TMEM272: variants seen among roughly 807,000 people sequenced by gnomAD.
TMEM272 encodes transmembrane protein 272.
TMEM272 carries 8 observed loss-of-function variants against 3.7 expected under a neutral mutation model. The observed-to-expected ratio is 2.17, with a 90% CI of 1.27 to 3.91. The LOEUF (loss-of-function observed/expected upper bound fraction) is 3.91, where lower values mean the gene tolerates loss of function less well. TMEM272 is among the 30% of genes most tolerant of loss of function. The probability of loss-of-function intolerance (pLI) is 0.00; values close to 1 mark genes in which losing one functional copy is unlikely to be tolerated. For synonymous variants in TMEM272, 63 were observed against 39.8 expected, an observed-to-expected ratio of 1.58 and a Z score of -2.20; for missense variants, 166 against 91.5, an observed-to-expected ratio of 1.81 and a Z score of -3.32.
At chr13:51,836,484 A>G (rs1189850988) in intron 2 of TMEM272, among the ~76,000 whole-genome samples, 1 of 152,156 alleles carries the variant, frequency 6.6e-6, no homozygotes, top group African/African-American at 2.4e-5. Context: ...GCTGTTTTTT[A>G]GTAGAACATT....
chr13:51,866,264 C>T, the TMEM272 span: 2 of 578,668 alleles, frequency 3.5e-6, no homozygotes, highest in Admixed American at 3.3e-5. Flanking sequence ...GCATTTTTTC[C>T]AGGTTTTGTG....
intron 1 of TMEM272, among the ~76,000 whole-genome samples, chr13:51,842,423 G>A (rs1418336164): frequency 3.3e-5 from 5 of 152,182 alleles, no homozygotes; most frequent in African/African-American, 1.2e-4. Context: ...AGATAGATAA[G>A]CAGAAAAGGA....
the TMEM272 span, among the ~76,000 whole-genome samples, chr13:51,919,532 AT>A: frequency 2.6e-5 from 4 of 151,756 alleles, no homozygotes; most frequent in Non-Finnish European, 5.9e-5. Context: ...ACATAAAATT[AT>A]TTTTTTTAAT....
the TMEM272 span, among the ~76,000 whole-genome samples, chr13:51,919,923 A>C: frequency 6.6e-6 from 1 of 151,704 alleles, no homozygotes; most frequent in Non-Finnish European, 1.5e-5. Context: ...CTCATAGTGG[A>C]TTAATATGAA....
the TMEM272 span, among the ~76,000 whole-genome samples, chr13:51,883,569 T>G: frequency 6.6e-6 from 1 of 152,094 alleles, no homozygotes; most frequent in Non-Finnish European, 1.5e-5. Flanking sequence ...GGGTGAGCTT[T>G]GGAAAAAGCA....
the TMEM272 span, among the ~76,000 whole-genome samples, chr13:51,857,917 GA>G: frequency 6.6e-6 from 1 of 151,976 alleles, no homozygotes; most frequent in Admixed American, 6.6e-5. Context: ...TAAAAGGATA[GA>G]AAAGATACAC....
chr13:51,894,415 C>T, the TMEM272 span, among the ~76,000 whole-genome samples: 2 of 152,198 alleles, frequency 1.3e-5, no homozygotes, highest in Non-Finnish European at 2.9e-5. Flanking sequence ...TAGAAGAGCC[C>T]TACATGTGGA....
the TMEM272 span, among the ~76,000 whole-genome samples, chr13:51,887,373 C>A: frequency 1.3e-5 from 2 of 152,064 alleles, no homozygotes; most frequent in African/African-American, 4.8e-5. Context: ...AAGAATGGGG[C>A]CCCAAGATGG....
At chr13:51,891,440 G>A in the TMEM272 span, among the ~76,000 whole-genome samples, 1 of 152,132 alleles carries the variant, frequency 6.6e-6, no homozygotes, top group African/African-American at 2.4e-5. Context: ...CCTAATTTAG[G>A]TTCTATCTCC....
intron 1 of TMEM272, among the ~76,000 whole-genome samples, chr13:51,843,521 T>C (rs1175896456): frequency 6.6e-6 from 1 of 152,230 alleles, no homozygotes; most frequent in Non-Finnish European, 1.5e-5. Flanking sequence ...CATTAAATGA[T>C]TGACTAAAAT....
chr13:51,926,740 A>C, the TMEM272 span, among the ~76,000 whole-genome samples: 2 of 152,270 alleles, frequency 1.3e-5, no homozygotes, highest in African/African-American at 4.8e-5. Context: ...TTATCCTCTG[A>C]ATGCTCTAAG....
chr13:51,847,634 C>T (rs1446285106), upstream of TMEM272, among the ~76,000 whole-genome samples: 1 of 152,192 alleles, frequency 6.6e-6, no homozygotes, highest in Admixed American at 6.5e-5. Context: ...CTTGAATCTT[C>T]TCTTATCTCA....
the TMEM272 span, among the ~76,000 whole-genome samples, chr13:51,900,320 A>C: frequency 6.6e-6 from 1 of 152,234 alleles, no homozygotes; most frequent in Admixed American, 6.5e-5. Context: ...TTTAAAAATA[A>C]GCAAATGAGT....
At chr13:51,928,176 T>C in the TMEM272 span, among the ~76,000 whole-genome samples, 10 of 152,060 alleles carry the variant, frequency 6.6e-5, no homozygotes, top group Non-Finnish European at 1.5e-4. Flanking sequence ...ATCAGTCCAC[T>C]AAGTCCTAGC....
chr13:51,850,354 G>A, the TMEM272 span, among the ~76,000 whole-genome samples: 3 of 152,082 alleles, frequency 2.0e-5, no homozygotes, highest in Non-Finnish European at 4.4e-5. Context: ...AACGGTGAAT[G>A]CTATCCACTT....
At chr13:51,889,886 C>A in the TMEM272 span, among the ~76,000 whole-genome samples, 6 of 152,302 alleles carry the variant, frequency 3.9e-5, no homozygotes, top group African/African-American at 1.4e-4. Context: ...GGTGATCCGC[C>A]CACCTCGGCC....
chr13:51,930,108 G>A, the TMEM272 span, among the ~76,000 whole-genome samples: 1 of 140,518 alleles, frequency 7.1e-6, no homozygotes, highest in Non-Finnish European at 1.6e-5. Flanking sequence ...TTTTGGGGCT[G>A]GGGAGGGAGT....
chr13:51,869,867 C>T, the TMEM272 span, among the ~76,000 whole-genome samples: 1 of 152,164 alleles, frequency 6.6e-6, no homozygotes, highest in Non-Finnish European at 1.5e-5. Context: ...AATCAGAAAT[C>T]CTGCAGTCGA....
At chr13:51,865,419 C>T in the TMEM272 span, 1 of 1,610,442 alleles carries the variant, frequency 6.2e-7, no homozygotes, top group Admixed American at 1.7e-5. Context: ...AAGATGTTTT[C>T]CTTCAAGGTG....
Sources: allele counts gnomAD v4.1 joint callset (sites outside exome capture counted in the v4.1 genomes callset), GRCh38; gene constraint gnomAD v4.1.1; transcripts MANE v1.5; gene names NCBI Gene and HGNC (gene_info 2026-07-23, HGNC 2026-07-21).